The following LRP1B variants were observed in gnomAD, a reference collection of about 807,000 sequenced individuals.
LRP1B encodes low-density lipoprotein receptor-related protein 1B.
LRP1B carries 217 observed loss-of-function variants against 556.6 expected under a neutral mutation model. The observed-to-expected ratio is 0.39, with a 90% CI of 0.35 to 0.44. LRP1B has a LOEUF of 0.44. Among genes scored for constraint, LRP1B ranks in the 20% least tolerant of loss-of-function variants. The pLI, the probability that LRP1B is intolerant of heterozygous loss-of-function variation, is 1.00. For missense variants in LRP1B, 5,053 were observed against 5,620.8 expected, an observed-to-expected ratio of 0.90 and a Z score of 3.23; for synonymous variants, 2,047 against 1,865.8, an observed-to-expected ratio of 1.10 and a Z score of -2.50.
chr2:140,475,126 T>C lies in LRP1B; in HGVS notation c.9625+12A>G, dbSNP rs1355492729. ...TGGTAAAATACTAGAATATTTATGT[T>C]ACTGGACCAACCTTTGTGTCTATGA... On this transcript the variant is annotated intron_variant, in intron 60 of 90. Transcript: ENST00000389484. 6.8e-7 allele frequency: 1 copy of C among 1,473,890 alleles called. No homozygotes were observed. The highest frequency in any genetic ancestry group is 2.0e-5 in the Admixed American group (1 of 50,872). The allele number at this position is 1,473,890 out of a possible 1,614,324, so 91.3% of individuals were successfully genotyped here.
intron 3 of LRP1B, among the ~76,000 whole-genome samples, chr2:141,400,336 A>C (rs1170724266): frequency 1.3e-5 from 2 of 152,216 alleles, no homozygotes; most frequent in African/African-American, 2.4e-5. Context: ...GTTTTCACAA[A>C]TTAAATAACA....
intron 2 of LRP1B, among the ~76,000 whole-genome samples, chr2:141,640,357 T>C (rs1312961398): frequency 6.6e-6 from 1 of 152,238 alleles, no homozygotes; most frequent in Admixed American, 6.5e-5. Context: ...GGTAAAAAAC[T>C]AAACTTGCAT....
chr2:141,585,371 T>C (rs1175596332), intron 2 of LRP1B, among the ~76,000 whole-genome samples: 1 of 151,968 alleles, frequency 6.6e-6, no homozygotes, highest in Non-Finnish European at 1.5e-5. Flanking sequence ...AAAATACTCA[T>C]GTTAGTAGGC....
intron 60 of LRP1B, among the ~76,000 whole-genome samples, chr2:140,467,612 C>CAAAAAAAAA (rs36060070): frequency 1.2e-5 from 1 of 85,916 alleles, no homozygotes. Flanking sequence ...AACTCCATCT[C>CAAAAAAAAA]AAAAAAAAAA....
At chr2:142,112,418 G>C (rs1004615996) in intron 1 of LRP1B, among the ~76,000 whole-genome samples, 1 of 151,792 alleles carries the variant, frequency 6.6e-6, no homozygotes, top group Non-Finnish European at 1.5e-5. Flanking sequence ...TTATGTAGTA[G>C]TTAAAAGGAA....
intron 3 of LRP1B, among the ~76,000 whole-genome samples, chr2:141,352,257 T>G (rs1688471045): frequency 6.6e-6 from 1 of 151,838 alleles, no homozygotes; most frequent in Non-Finnish European, 1.5e-5. Flanking sequence ...CTCACAAAAT[T>G]AAACAAAAAA....
chr2:142,081,606 G>A (rs943373124), intron 1 of LRP1B, among the ~76,000 whole-genome samples: 1 of 152,142 alleles, frequency 6.6e-6, no homozygotes, highest in African/African-American at 2.4e-5. Flanking sequence ...ATTTGAATTT[G>A]AGGTTAACAA....
intron 2 of LRP1B, among the ~76,000 whole-genome samples, chr2:141,690,396 AATAT>A (rs762453747): frequency 3.3e-4 from 9 of 26,928 alleles, no homozygotes; most frequent in African/African-American, 1.1e-3. Context: ...TACATCTATA[AATAT>A]ATATATATAT....
chr2:141,315,121 T>G (rs1407652483), intron 3 of LRP1B, among the ~76,000 whole-genome samples: 1 of 150,674 alleles, frequency 6.6e-6, no homozygotes, highest in Non-Finnish European at 1.5e-5. Context: ...GGAACACAAA[T>G]CTAGTCTTAA....
chr2:141,041,825 G>GTA (rs4008752), intron 11 of LRP1B, among the ~76,000 whole-genome samples: 139,989 of 152,010 alleles, frequency 0.92, 64,599 homozygotes, highest in East Asian at 1. Flanking sequence ...TATCATGTAT[G>GTA]TATGTACAAA....
chr2:141,541,017 A>G (rs1685239340), intron 2 of LRP1B, among the ~76,000 whole-genome samples: 1 of 152,060 alleles, frequency 6.6e-6, no homozygotes, highest in Non-Finnish European at 1.5e-5. Flanking sequence ...CATCCAAAAT[A>G]GCACTTTCAT....
At chr2:140,958,117 A>C (rs772817326) in intron 18 of LRP1B, among the ~76,000 whole-genome samples, 5 of 151,418 alleles carry the variant, frequency 3.3e-5, no homozygotes, top group Non-Finnish European at 3.0e-5. Flanking sequence ...ACATGGGACA[A>C]AAAAAATTAA....
chr2:142,047,221 G>T (rs13036224), intron 1 of LRP1B, among the ~76,000 whole-genome samples: 71,724 of 151,786 alleles, frequency 0.47, 17,686 homozygotes, highest in East Asian at 0.69. Flanking sequence ...GTCTCCTAGA[G>T]CTGCTCATGG....
chr2:141,057,478 CCAAATCT>C (rs1449691492), intron 9 of LRP1B, among the ~76,000 whole-genome samples: 4 of 151,800 alleles, frequency 2.6e-5, no homozygotes, highest in Admixed American at 2.6e-4. Context: ...GTATCCCCAC[CCAAATCT>C]CATCTTGAAT....
At chr2:141,753,034 A>G (rs1292473837) in intron 2 of LRP1B, among the ~76,000 whole-genome samples, 3 of 148,740 alleles carry the variant, frequency 2.0e-5, no homozygotes, top group African/African-American at 7.4e-5. Flanking sequence ...GGATCACCTG[A>G]GGTCAGGAGT....
At chr2:141,164,684 T>A (rs1680175326) in intron 7 of LRP1B, among the ~76,000 whole-genome samples, 1 of 152,066 alleles carries the variant, frequency 6.6e-6, no homozygotes, top group Admixed American at 6.6e-5. Context: ...TTTCTATCTG[T>A]GATAGTAACA....
rs558546896 is a variant in LRP1B at position 141,408,397 on chromosome 2, G to A, written c.343+71999C>T. 2.6e-3 allele frequency among the ~76,000 whole-genome samples: 396 copies of A among 152,036 alleles called. 4 individuals are homozygous for A. The highest frequency in any genetic ancestry group is 9.2e-3 in the African/African-American group (383 of 41,476). On this transcript the variant is annotated intron_variant, in intron 3 of 90. Transcript: ENST00000389484. Reference sequence around the variant, plus strand: ...CTGACCTCGTGATCTGACCGCCTCGGCCTCCCAAAGTGCTGGGATTACAGG... The same window carrying A: ...CTGACCTCGTGATCTGACCGCCTCGACCTCCCAAAGTGCTGGGATTACAGG...
intron 1 of LRP1B, among the ~76,000 whole-genome samples, chr2:141,937,992 G>C (rs1235448818): frequency 6.6e-6 from 1 of 152,016 alleles, no homozygotes; most frequent in Non-Finnish European, 1.5e-5. Flanking sequence ...TCAAAGTTTA[G>C]TAGATGGTGT....
At chr2:140,748,772 T>C in intron 35 of LRP1B, among the ~76,000 whole-genome samples, 1 of 46,486 alleles carries the variant, frequency 2.2e-5, no homozygotes, top group Admixed American at 2.7e-4. Context: ...TACATGTATA[T>C]AATATGTATA....
Sources: gnomAD v4.1 joint callset for allele counts (sites outside exome capture counted in the v4.1 genomes callset) on GRCh38, gnomAD v4.1.1 for gene constraint, MANE v1.5 for transcripts, NCBI Gene and HGNC (gene_info 2026-07-23, HGNC 2026-07-21) for gene names.